SLC7A14: variants seen among roughly 807,000 people sequenced by gnomAD.
SLC7A14 encodes solute carrier family 7 member 14.
Under a neutral mutation model 60.2 loss-of-function variants are expected in SLC7A14, and 37 were observed. That is an observed-to-expected ratio of 0.61 (90% confidence interval 0.47 to 0.81). SLC7A14 has a LOEUF of 0.81. Among genes scored for constraint, SLC7A14 ranks in the 30% least tolerant of loss-of-function variants. The pLI is 0.00. For missense variants in SLC7A14, 886 were observed against 982.7 expected, an observed-to-expected ratio of 0.90 and a Z score of 1.32; for synonymous variants, 399 against 395.8, an observed-to-expected ratio of 1.01 and a Z score of -0.10.
chr3:170,488,408 C>T (rs1712105507), intron 4 of SLC7A14, among the ~76,000 whole-genome samples: 1 of 152,174 alleles, frequency 6.6e-6, no homozygotes, highest in East Asian at 1.9e-4. Context: ...ATAGATCTCA[C>T]CTCATCATAC....
rs529798824 is a variant in SLC7A14, at chr3:170,504,284, T to C, written c.305-2939A>G. ...TATCTTTCTAATTTCAATAAGAAAT[T>C]AAAAGCATGGAAATGGAATTTTATT... is the stretch of plus-strand genomic sequence containing the variant. On this transcript the variant is annotated intron_variant, in intron 2 of 7. Coordinates refer to ENST00000231706, the MANE Select transcript of SLC7A14 (RefSeq NM_020949.3). 2.6e-5 allele frequency among the ~76,000 whole-genome samples: 4 copies of C among 152,314 alleles called. No individual in the cohort carries two copies. In the East Asian group the frequency reaches 5.8e-4, roughly 22 times the overall value.
intron 1 of SLC7A14, among the ~76,000 whole-genome samples, chr3:170,582,387 C>A (rs975680771): frequency 3.3e-5 from 5 of 152,096 alleles, no homozygotes; most frequent in Non-Finnish European, 7.4e-5. Context: ...AGTTATTGAG[C>A]ACTTGAAATA....
At chr3:170,472,650 C>T (rs1049382134) in intron 7 of SLC7A14, among the ~76,000 whole-genome samples, 1 of 151,696 alleles carries the variant, frequency 6.6e-6, no homozygotes, top group Non-Finnish European at 1.5e-5. Context: ...ACCTGTAGTC[C>T]CAGCTACTCC....
rs916802398 is a variant in SLC7A14 at position 170,585,302 on chromosome 3, T to C, written c.-153+609A>G. Reference sequence around the variant, plus strand: ...GCCGCTCCCGGGAGAGTCACCACTCTCCGGGGACAGACGCCCCTCGGGGCG... The same window carrying C: ...GCCGCTCCCGGGAGAGTCACCACTCCCCGGGGACAGACGCCCCTCGGGGCG... On this transcript the variant is annotated intron_variant, in intron 1 of 7. Transcript: ENST00000231706. The surrounding 1 kb of genome is among the most constrained non-coding windows in gnomAD (Gnocchi z 5.1). 6.6e-6 allele frequency among the ~76,000 whole-genome samples: 1 copy of C among 152,012 alleles called. No homozygotes were observed. Among genetic ancestry groups the C allele is most frequent in the Non-Finnish European group, 1.5e-5 (1 of 67,972 alleles).
At chr3:170,550,037 T>C (rs1577555391) in intron 1 of SLC7A14, among the ~76,000 whole-genome samples, 1 of 152,212 alleles carries the variant, frequency 6.6e-6, no homozygotes, top group Non-Finnish European at 1.5e-5. Context: ...TAAATGATGG[T>C]TGTGATTGGA....
At chr3:170,583,174 G>T (rs1715284678) in intron 1 of SLC7A14, among the ~76,000 whole-genome samples, 1 of 152,140 alleles carries the variant, frequency 6.6e-6, no homozygotes, top group South Asian at 2.1e-4. Flanking sequence ...TGGGGAATAG[G>T]TCATAGAAGA....
intron 2 of SLC7A14, among the ~76,000 whole-genome samples, chr3:170,515,131 G>T (rs530285741): frequency 6.6e-6 from 1 of 151,898 alleles, no homozygotes; most frequent in African/African-American, 2.4e-5. Flanking sequence ...TGGCCAACAC[G>T]GCGTAACCCC....
intron 4 of SLC7A14, among the ~76,000 whole-genome samples, chr3:170,492,832 C>A (rs547009808): frequency 6.6e-6 from 1 of 152,144 alleles, no homozygotes. Context: ...GATAATTAGG[C>A]GCCTTTATGT....
At chr3:170,537,265 C>G (rs1235337260) in intron 1 of SLC7A14, among the ~76,000 whole-genome samples, 1 of 152,192 alleles carries the variant, frequency 6.6e-6, no homozygotes, top group Non-Finnish European at 1.5e-5. Flanking sequence ...CATTCCTTGA[C>G]TTGTGATTCT....
At chr3:170,490,429 G>A (rs983879537) in intron 4 of SLC7A14, among the ~76,000 whole-genome samples, 1 of 152,118 alleles carries the variant, frequency 6.6e-6, no homozygotes, top group African/African-American at 2.4e-5. Context: ...CCCTCCTCTT[G>A]TAAATCATTT....
At chr3:170,520,577 C>G (rs767556777) in intron 2 of SLC7A14, among the ~76,000 whole-genome samples, 1 of 152,142 alleles carries the variant, frequency 6.6e-6, no homozygotes, top group Non-Finnish European at 1.5e-5. Flanking sequence ...TTTTGCCAAA[C>G]ATTTCTTATG....
At chr3:170,496,243 C>A in intron 4 of SLC7A14, 1 of 935,738 alleles carries the variant, frequency 1.1e-6, no homozygotes, top group Non-Finnish European at 1.8e-6. Flanking sequence ...GAGGAGATCG[C>A]CAACCGCAGC....
intron 1 of SLC7A14, among the ~76,000 whole-genome samples, chr3:170,571,572 A>G (rs1413282908): frequency 6.6e-6 from 1 of 152,194 alleles, no homozygotes; most frequent in East Asian, 1.9e-4. Context: ...GGGACTTCAT[A>G]TTGTTTTTAT....
intron 4 of SLC7A14, among the ~76,000 whole-genome samples, chr3:170,493,605 C>T (rs932403722): frequency 2.0e-5 from 3 of 152,284 alleles, no homozygotes; most frequent in Non-Finnish European, 2.9e-5. Context: ...CGAGGCAACA[C>T]ACTTCTGTAG....
chr3:170,565,532 G>C (rs1031202665), intron 1 of SLC7A14, among the ~76,000 whole-genome samples: 2 of 152,298 alleles, frequency 1.3e-5, no homozygotes, highest in Middle Eastern at 3.4e-3. Flanking sequence ...CTAGGAAAAA[G>C]GGGTGACAAC....
chr3:170,498,700 C>T lies in SLC7A14; in HGVS notation c.726G>A (p.Ala242=), dbSNP rs752901596. ...AGCCGTGGGGCAAGAACTGGCCCTC[C>T]GCCCAGTATTTCCCATTGATGAAGA... ...GLFFINGKYW[A]EGQFLPHGWS... The change falls in exon 4 of 8, where the codon GCG becomes GCA. Residue 242 remains alanine, a synonymous_variant. Transcript: ENST00000231706. The T allele has an allele frequency of 6.8e-6, 11 of 1,614,194 alleles. No individual in the cohort carries two copies. The highest frequency in any genetic ancestry group is 3.3e-5 in the South Asian group (3 of 91,084).
At position 170,486,352 on chromosome 3, in the gene SLC7A14, G is replaced by A; in HGVS notation, c.776C>T (p.Ala259Val). Residue 259 changes from alanine (A) to valine (V), a missense_variant, in exon 5 of 8, where the codon GCA becomes GTA. Ala to Val is a moderately conservative substitution (Grantham distance 64, BLOSUM62 0). Coordinates refer to ENST00000231706, the MANE Select transcript of SLC7A14 (RefSeq NM_020949.3). ...GCCAATGAAAGCGTAGAAGCATGTT[G>A]CTGCTCCTTGCAGCACCTGTGTGGA... ...HGWSGVLQGA[A>V]TCFYAFIGFD... 2 of 1,614,246 alleles carry A rather than the reference G, an allele frequency of 1.2e-6. No individual in the cohort carries two copies. The highest frequency in any genetic ancestry group is 1.7e-6 in the Non-Finnish European group (2 of 1,180,046).
chr3:170,515,369 G>A (rs927572321), intron 2 of SLC7A14, among the ~76,000 whole-genome samples: 10 of 151,532 alleles, frequency 6.6e-5, no homozygotes, highest in Middle Eastern at 6.9e-3. Context: ...ATATGGAAAG[G>A]TTGTAATGTA....
Position 170,565,744 on chromosome 3 carries a change from T to C in SLC7A14, c.-153+20167A>G, listed in dbSNP as rs77109936. 3.8e-3 allele frequency among the ~76,000 whole-genome samples: 573 copies of C among 152,096 alleles called. 3 individuals are homozygous for C. The highest frequency in any genetic ancestry group is 0.013 in the African/African-American group (532 of 41,500). On this transcript the variant is annotated intron_variant, in intron 1 of 7. Coordinates refer to ENST00000231706, the MANE Select transcript of SLC7A14 (RefSeq NM_020949.3). ...CTGGCTGGGCCTTGGTTCCTCCTTGTCCTGTGGATAAACAGATGATCTCAG... is the reference window on the plus strand; with the variant it reads ...CTGGCTGGGCCTTGGTTCCTCCTTGCCCTGTGGATAAACAGATGATCTCAG...
Sources: gnomAD v4.1 joint callset for allele counts (sites outside exome capture counted in the v4.1 genomes callset) on GRCh38, gnomAD v4.1.1 for gene constraint, Gnocchi (gnomAD v3.1) non-coding constraint, MANE v1.5 for transcripts, NCBI Gene and HGNC (gene_info 2026-07-23, HGNC 2026-07-21) for gene names.